Variants in PTPRD observed in about 807,000 individuals in gnomAD.
PTPRD encodes receptor-type tyrosine-protein phosphatase delta.
In PTPRD, 34 loss-of-function variants were observed where a neutral mutation model predicts 214.5. That is an observed-to-expected ratio of 0.16 (90% CI 0.12 to 0.21). PTPRD has a LOEUF of 0.21. Among genes scored for constraint, PTPRD ranks in the 10% least tolerant of loss-of-function variants. The pLI is 1.00. For synonymous variants in PTPRD, 1,128 were observed against 845.7 expected (o/e 1.33, Z -5.79); for missense variants, 2,545 against 2,398.7 (o/e 1.06, Z -1.27).
At chr9:9,796,030 G>C (rs1158157606) in intron 5 of PTPRD, among the ~76,000 whole-genome samples, 1 of 151,814 alleles carries the variant, frequency 6.6e-6, no homozygotes, top group Non-Finnish European at 1.5e-5. Flanking sequence ...TTAAGAAAAA[G>C]ATTCTTCTAA....
intron 8 of PTPRD, among the ~76,000 whole-genome samples, chr9:9,497,074 T>C (rs2096225892): frequency 6.6e-6 from 1 of 152,072 alleles, no homozygotes; most frequent in African/African-American, 2.4e-5. Flanking sequence ...ATGCTTATTG[T>C]TGAGGGGTGT....
intron 7 of PTPRD, among the ~76,000 whole-genome samples, chr9:9,647,544 C>G (rs1311332263): frequency 1.3e-5 from 2 of 152,116 alleles, no homozygotes; most frequent in Non-Finnish European, 2.9e-5. Flanking sequence ...TAAGAGACCA[C>G]CTTACATTTA....
At chr9:9,966,398 C>T (rs2094702199) in intron 4 of PTPRD, among the ~76,000 whole-genome samples, 3 of 152,056 alleles carry the variant, frequency 2.0e-5, no homozygotes, top group Admixed American at 2.0e-4. Context: ...TTTACTAAAA[C>T]TGTTTCTAAG....
intron 12 of PTPRD, among the ~76,000 whole-genome samples, chr9:8,733,455 C>G (rs1469765670): frequency 6.6e-6 from 1 of 152,060 alleles, no homozygotes; most frequent in Non-Finnish European, 1.5e-5. Flanking sequence ...CTTATTGGCA[C>G]CACCAACTGG....
chr9:8,485,208 A>C lies in PTPRD; in HGVS notation c.3153+19T>G, dbSNP rs1452547209. 5.6e-6 allele frequency: 9 copies of C among 1,601,500 alleles called. No homozygotes were observed. Among genetic ancestry groups the C allele is most frequent in the Non-Finnish European group, 7.7e-6 (9 of 1,169,336 alleles). ...TCTACTTTTATCTGTGATTTCTTACAAATTAGAAAACAACTTACTTTGAAA... is the reference window on the plus strand; with the variant it reads ...TCTACTTTTATCTGTGATTTCTTACCAATTAGAAAACAACTTACTTTGAAA... On this transcript the variant is annotated intron_variant, in intron 29 of 45. Coordinates refer to ENST00000381196, the MANE Select transcript of PTPRD (RefSeq NM_002839.4).
chr9:9,176,823 C>T (rs1346867871), intron 10 of PTPRD, among the ~76,000 whole-genome samples: 1 of 152,098 alleles, frequency 6.6e-6, no homozygotes, highest in South Asian at 2.1e-4. Context: ...GTCTCCAGAA[C>T]CATGAGTCAA....
chr9:9,726,382 G>A (rs576870192), intron 7 of PTPRD, among the ~76,000 whole-genome samples: 6 of 152,146 alleles, frequency 3.9e-5, no homozygotes, highest in Non-Finnish European at 8.8e-5. Flanking sequence ...CCATTCAGAG[G>A]TAGGTGGCCA....
chr9:10,293,471 A>G (rs1393651386), intron 3 of PTPRD, among the ~76,000 whole-genome samples: 1 of 151,982 alleles, frequency 6.6e-6, no homozygotes, highest in Non-Finnish European at 1.5e-5. Flanking sequence ...AAACAAACAA[A>G]CAAACAAAAA....
chr9:9,304,391 T>A (rs1416303616), intron 9 of PTPRD, among the ~76,000 whole-genome samples: 1 of 152,132 alleles, frequency 6.6e-6, no homozygotes, highest in Non-Finnish European at 1.5e-5. Flanking sequence ...CCCATTTGGA[T>A]GTTTCCTTAG....
chr9:8,551,458 T>C (rs1330930193), intron 14 of PTPRD, among the ~76,000 whole-genome samples: 1 of 152,200 alleles, frequency 6.6e-6, no homozygotes, highest in African/African-American at 2.4e-5. Context: ...AGATCTTTTT[T>C]CTTTCTCTTT....
chr9:10,490,025 T>C (rs2099156840), intron 2 of PTPRD, among the ~76,000 whole-genome samples: 1 of 152,182 alleles, frequency 6.6e-6, no homozygotes, highest in South Asian at 2.1e-4. Context: ...ATGTAGATAG[T>C]TGTTAAATTG....
intron 21 of PTPRD, among the ~76,000 whole-genome samples, chr9:8,508,716 A>G (rs1319497565): frequency 6.6e-6 from 1 of 152,198 alleles, no homozygotes; most frequent in African/African-American, 2.4e-5. Context: ...AGTTCAAAAG[A>G]AGCCTTTGGA....
chr9:10,547,001 T>C (rs1590599854), intron 2 of PTPRD, among the ~76,000 whole-genome samples: 1 of 152,016 alleles, frequency 6.6e-6, no homozygotes, highest in Non-Finnish European at 1.5e-5. Flanking sequence ...TGGAGGCAGG[T>C]CATCTGCTGT....
intron 11 of PTPRD, among the ~76,000 whole-genome samples, chr9:8,799,661 T>C (rs902063000): frequency 6.6e-6 from 1 of 152,194 alleles, no homozygotes; most frequent in African/African-American, 2.4e-5. Flanking sequence ...CTGCCTTCCT[T>C]AATAAAGATG....
intron 10 of PTPRD, among the ~76,000 whole-genome samples, chr9:9,060,703 T>C (rs1223946056): frequency 6.6e-6 from 1 of 152,138 alleles, no homozygotes; most frequent in African/African-American, 2.4e-5. Flanking sequence ...AGGTATTTAA[T>C]CAGAGAGACT....
chr9:8,834,037 A>G (rs977159413), intron 11 of PTPRD, among the ~76,000 whole-genome samples: 13 of 151,094 alleles, frequency 8.6e-5, no homozygotes, highest in Non-Finnish European at 1.8e-4. Flanking sequence ...AACCGTTCAG[A>G]AAGCACAATA....
intron 9 of PTPRD, among the ~76,000 whole-genome samples, chr9:9,377,460 T>G (rs1397425041): frequency 1.3e-5 from 2 of 152,154 alleles, no homozygotes; most frequent in Non-Finnish European, 2.9e-5. Context: ...GTTGAGAACT[T>G]AGTATGTGCT....
At chr9:9,576,168 G>C (rs1014642246) in intron 7 of PTPRD, among the ~76,000 whole-genome samples, 2 of 152,052 alleles carry the variant, frequency 1.3e-5, no homozygotes, top group African/African-American at 4.8e-5. Context: ...GTTTCAACTA[G>C]TTTCTACCAT....
intron 2 of PTPRD, among the ~76,000 whole-genome samples, chr9:10,610,035 C>G (rs1399373393): frequency 1.3e-5 from 2 of 152,200 alleles, no homozygotes; most frequent in Non-Finnish European, 2.9e-5. Context: ...TGTATTTCAT[C>G]GGGCCATTAT....
Sources: allele counts gnomAD v4.1 joint callset (sites outside exome capture counted in the v4.1 genomes callset), GRCh38; gene constraint gnomAD v4.1.1; transcripts MANE v1.5; gene names NCBI Gene and HGNC (gene_info 2026-07-23, HGNC 2026-07-21).